CDH8: variants seen among roughly 807,000 people sequenced by gnomAD.
The protein encoded by CDH8 is cadherin 8, also known as cadherin-8.
CDH8 carries 17 observed loss-of-function variants against 68.1 expected under a neutral mutation model. The observed-to-expected ratio is 0.25, with a 90% CI of 0.17 to 0.37. The LOEUF is 0.37. CDH8 is among the 10% of genes least tolerant of loss of function. CDH8 has a pLI of 1.00. For synonymous variants in CDH8, 372 were observed against 365.1 expected (o/e 1.02, Z -0.21); for missense variants, 763 against 999.3 (o/e 0.76, Z 3.19).
At chr16:61,670,466 C>T (rs1202705147) in intron 10 of CDH8, among the ~76,000 whole-genome samples, 1 of 151,888 alleles carries the variant, frequency 6.6e-6, no homozygotes, top group Non-Finnish European at 1.5e-5. Flanking sequence ...TAACCCTACA[C>T]AAATGGAATG....
intron 10 of CDH8, among the ~76,000 whole-genome samples, chr16:61,691,147 C>T (rs544516939): frequency 3.2e-4 from 49 of 152,230 alleles, no homozygotes; most frequent in Admixed American, 7.9e-4. Flanking sequence ...TCCAGGTTAA[C>T]TTCCTTCAGA....
At chr16:61,907,673 T>A (rs1964085089) in intron 2 of CDH8, among the ~76,000 whole-genome samples, 1 of 143,962 alleles carries the variant, frequency 6.9e-6, no homozygotes, top group Non-Finnish European at 1.5e-5. Flanking sequence ...AGTGAGACCC[T>A]GTTGCAAAAA....
Position 61,739,884 on chromosome 16 carries a change from CATATAT to C in CDH8, c.1415-12675_1415-12670del, listed in dbSNP as rs35095367. Among the ~76,000 whole-genome samples the C allele has an allele frequency of 5.0e-3, 508 of 101,452 alleles. 11 individuals carry two copies. Among genetic ancestry groups the C allele is most frequent in the African/African-American group, 0.019 (494 of 25,580 alleles). The allele number at this position is 101,452 out of a possible 152,430, so 66.6% of individuals were successfully genotyped here. On this transcript the variant is annotated intron_variant, in intron 8 of 11. Coordinates refer to ENST00000577390, the MANE Select transcript of CDH8 (RefSeq NM_001796.5). ...AATATAGCATTTGTACAACATATTC[CATATAT>C]ATATATATATATATATATATATGTA...
chr16:61,966,103 CT>C (rs1282837751), intron 2 of CDH8, among the ~76,000 whole-genome samples: 3 of 152,130 alleles, frequency 2.0e-5, no homozygotes, highest in Non-Finnish European at 4.4e-5. Flanking sequence ...GGCCAAATCC[CT>C]TCTTTGAAAA....
intron 9 of CDH8, chr16:61,726,879 T>C: frequency 1.9e-6 from 1 of 537,022 alleles, no homozygotes; most frequent in Non-Finnish European, 3.3e-6. Context: ...GCACAGCAGG[T>C]TGTTCCACTT....
chr16:61,778,994 C>T (rs1960969224), intron 8 of CDH8, among the ~76,000 whole-genome samples: 1 of 152,178 alleles, frequency 6.6e-6, no homozygotes, highest in Admixed American at 6.5e-5. Context: ...GCTTCATTTG[C>T]AATAATGTGT....
intron 2 of CDH8, among the ~76,000 whole-genome samples, chr16:61,904,541 T>C (rs959140952): frequency 6.6e-6 from 1 of 152,220 alleles, no homozygotes; most frequent in African/African-American, 2.4e-5. Flanking sequence ...AAAAATACTC[T>C]GGACTGTTTG....
intron 2 of CDH8, among the ~76,000 whole-genome samples, chr16:61,965,637 C>T (rs1322146062): frequency 6.6e-6 from 1 of 152,134 alleles, no homozygotes; most frequent in Non-Finnish European, 1.5e-5. Flanking sequence ...AAACTTGATT[C>T]TAAATAAATG....
chr16:62,014,701 A>G lies in CDH8; in HGVS notation c.252+6451T>C, dbSNP rs563123080. Among the ~76,000 whole-genome samples, 8 of 152,284 alleles carry G rather than the reference A, an allele frequency of 5.3e-5. No homozygotes were observed. The South Asian group carries it at 1.7e-3, about 32-fold the overall frequency. On this transcript the variant is annotated intron_variant, in intron 2 of 11. Transcript: ENST00000577390. ...TAAAGAGGGAAGGTTAGAAGGTCAAATTTAAAGAGAGAAAATGAGTCAGTG... is the reference window on the plus strand; with the variant it reads ...TAAAGAGGGAAGGTTAGAAGGTCAAGTTTAAAGAGAGAAAATGAGTCAGTG...
chr16:61,766,017 T>C (rs11075438), intron 8 of CDH8, among the ~76,000 whole-genome samples: 1 of 151,988 alleles, frequency 6.6e-6, no homozygotes, highest in East Asian at 1.9e-4. Context: ...TAGCTTTAGG[T>C]TTACAGGTGG....
At chr16:61,950,801 C>G (rs1240547937) in intron 2 of CDH8, among the ~76,000 whole-genome samples, 3 of 152,086 alleles carry the variant, frequency 2.0e-5, no homozygotes, top group Non-Finnish European at 4.4e-5. Flanking sequence ...AACAGAAACT[C>G]AAACATTGCA....
chr16:61,651,062 T>G lies in CDH8; in HGVS notation c.*2546A>C, dbSNP rs996658825. ...ATATTTGAGGATACAGATTTTATAC[T>G]CCTTAAAAAATACTGTAATTATTCT... is the stretch of plus-strand genomic sequence containing the variant. On this transcript the variant is annotated 3_prime_UTR_variant, in exon 12 of 12. Coordinates refer to ENST00000577390, the MANE Select transcript of CDH8 (RefSeq NM_001796.5). The G allele has an allele frequency of 6.6e-6, 1 of 152,144 alleles. No individual in the cohort carries two copies. Among genetic ancestry groups the G allele is most frequent in the Non-Finnish European group, 1.5e-5 (1 of 68,026 alleles). The allele number at this position is 152,144 out of a possible 1,614,324, so 9.4% of individuals were successfully genotyped here.
intron 3 of CDH8, among the ~76,000 whole-genome samples, chr16:61,895,746 A>C (rs563838862): frequency 6.6e-6 from 1 of 152,328 alleles, no homozygotes; most frequent in Non-Finnish European, 1.5e-5. Context: ...TCATTAACCC[A>C]TGTATTCGTA....
At chr16:61,951,568 G>A (rs1281055360) in intron 2 of CDH8, among the ~76,000 whole-genome samples, 1 of 149,004 alleles carries the variant, frequency 6.7e-6, no homozygotes, top group East Asian at 2.0e-4. Context: ...TGACAAAACA[G>A]AACTCAAATA....
intron 8 of CDH8, among the ~76,000 whole-genome samples, chr16:61,787,394 C>A (rs1431871352): frequency 7.0e-6 from 1 of 142,328 alleles, no homozygotes; most frequent in Non-Finnish European, 1.5e-5. Flanking sequence ...CTATGAGATA[C>A]CATCTCATAC....
chr16:61,950,862 G>T (rs1964884751), intron 2 of CDH8, among the ~76,000 whole-genome samples: 1 of 152,046 alleles, frequency 6.6e-6, no homozygotes, highest in Admixed American at 6.5e-5. Flanking sequence ...TGAACATAAA[G>T]AAGGGAACAA....
intron 9 of CDH8, among the ~76,000 whole-genome samples, chr16:61,723,984 A>AT (rs145875807): frequency 1.8e-4 from 27 of 150,236 alleles, no homozygotes; most frequent in Admixed American, 6.7e-4. Context: ...AAACTATCAG[A>AT]TTTTTTTTTA....
At chr16:61,996,386 C>T (rs971350199) in intron 2 of CDH8, among the ~76,000 whole-genome samples, 1 of 152,186 alleles carries the variant, frequency 6.6e-6, no homozygotes, top group African/African-American at 2.4e-5. Context: ...TTATTCCCAA[C>T]CTCTAACCAG....
chr16:61,999,521 C>T (rs1008037291), intron 2 of CDH8, among the ~76,000 whole-genome samples: 7 of 152,108 alleles, frequency 4.6e-5, no homozygotes, highest in Non-Finnish European at 7.4e-5. Context: ...GAACAGTCTT[C>T]GCAATGCTGG....
Sources: allele counts gnomAD v4.1 joint callset (sites outside exome capture counted in the v4.1 genomes callset), GRCh38; gene constraint gnomAD v4.1.1; transcripts MANE v1.5; gene names NCBI Gene and HGNC (gene_info 2026-07-23, HGNC 2026-07-21).